FAF1: variants seen among roughly 807,000 people sequenced by gnomAD.
FAF1 encodes the protein FAS-associated factor 1.
Under a neutral mutation model 92.5 loss-of-function variants are expected in FAF1, and 25 were observed. The observed-to-expected ratio is 0.27, with a 90% confidence interval of 0.20 to 0.38. The LOEUF (loss-of-function observed/expected upper bound fraction) is 0.38, where lower values mean the gene tolerates loss of function less well. Among genes scored for constraint, FAF1 ranks in the 10% least tolerant of loss-of-function variants. The pLI is 1.00. For synonymous variants in FAF1, 234 were observed against 273.2 expected (o/e 0.86, Z 1.42); for missense variants, 636 against 793.3 (o/e 0.80, Z 2.38).
intron 12 of FAF1, among the ~76,000 whole-genome samples, chr1:50,573,497 G>T (rs968804360): frequency 7.2e-5 from 11 of 152,180 alleles, no homozygotes; most frequent in African/African-American, 2.7e-4. Context: ...AATGTCAATG[G>T]CCCCATATGT....
chr1:50,864,183 T>A (rs1430862671), intron 1 of FAF1, among the ~76,000 whole-genome samples: 39 of 142,582 alleles, frequency 2.7e-4, no homozygotes, highest in South Asian at 9.1e-4. Flanking sequence ...TTTTGAAGGG[T>A]TTTTTGTGTC....
intron 1 of FAF1, among the ~76,000 whole-genome samples, chr1:50,887,878 T>C (rs1644682227): frequency 1.3e-5 from 2 of 152,224 alleles, no homozygotes; most frequent in Non-Finnish European, 2.9e-5. Flanking sequence ...TTTGGTTCCA[T>C]ATGAACTTTA....
Position 50,676,495 on chromosome 1 carries a change from C to T in FAF1, c.658-20967G>A, listed in dbSNP as rs147310948. Among the ~76,000 whole-genome samples, 4 of 151,508 alleles carry T rather than the reference C, an allele frequency of 2.6e-5. No individual in the cohort carries two copies. The East Asian group carries it at 7.8e-4, about 30-fold the overall frequency. On this transcript the variant is annotated intron_variant, in intron 7 of 18. Coordinates refer to ENST00000396153, the MANE Select transcript of FAF1 (RefSeq NM_007051.3). The stretch of plus-strand genomic sequence containing the variant: ...AAAAGAAAAATGTAAATATTATTTT[C>T]AATGTAACAATCACCCTGGAATATA...
rs114637295 is a variant in FAF1, at chr1:50,499,098, T to C, written c.1495-7297A>G. Among the ~76,000 whole-genome samples the C allele has an allele frequency of 9.8e-3, 1,493 of 152,264 alleles. 24 individuals carry two copies. The highest frequency in any genetic ancestry group is 0.034 in the African/African-American group (1,419 of 41,536). On this transcript the variant is annotated intron_variant, in intron 15 of 18. Transcript: ENST00000396153. ...ATAACATAGATGGACCTTAAGGACA[T>C]TGTGCTTCAAATGTGAAAGGATCAA... is the stretch of plus-strand genomic sequence containing the variant.
intron 7 of FAF1, among the ~76,000 whole-genome samples, chr1:50,693,594 A>T (rs572200630): frequency 1.3e-5 from 2 of 152,284 alleles, no homozygotes; most frequent in South Asian, 4.1e-4. Flanking sequence ...TATGCATATA[A>T]GGTAAAAGTC....
intron 1 of FAF1, among the ~76,000 whole-genome samples, chr1:50,911,080 AT>A (rs1240890805): frequency 6.6e-6 from 1 of 151,242 alleles, no homozygotes; most frequent in Non-Finnish European, 1.5e-5. Context: ...TTATTTACTT[AT>A]TTATTTTTGG....
intron 4 of FAF1, among the ~76,000 whole-genome samples, chr1:50,762,131 A>G (rs1227684875): frequency 6.6e-6 from 1 of 152,126 alleles, no homozygotes; most frequent in Non-Finnish European, 1.5e-5. Context: ...CCAACTTACA[A>G]GGGACGTGAA....
chr1:50,605,306 C>T (rs1026921674), intron 8 of FAF1, among the ~76,000 whole-genome samples: 3 of 152,084 alleles, frequency 2.0e-5, no homozygotes, highest in Non-Finnish European at 4.4e-5. Flanking sequence ...TTAGTGAGTA[C>T]ACTAGAAGAG....
rs13375909 is a variant in FAF1, at chr1:50,583,341, C to G, written c.1031+311G>C. ...TTATTTTAAAGGATTTTCCATTTGA[C>G]TGTCCTAAGATATACTAAAAATTAC... On this transcript the variant is annotated intron_variant, in intron 11 of 18. Transcript: ENST00000396153. The surrounding 1 kb of genome is among the most constrained non-coding windows in gnomAD (Gnocchi z 4.2). Among the ~76,000 whole-genome samples, 339 of 152,004 alleles carry G rather than the reference C, an allele frequency of 2.2e-3. 3 individuals carry two copies. Among genetic ancestry groups the G allele is most frequent in the African/African-American group, 7.7e-3 (321 of 41,536 alleles).
chr1:50,766,791 C>CAAAAAAAA (rs765570305), intron 4 of FAF1, among the ~76,000 whole-genome samples: 2 of 61,910 alleles, frequency 3.2e-5, no homozygotes, highest in Non-Finnish European at 6.0e-5. Context: ...AGCAAGCAAG[C>CAAAAAAAA]AAAAAAAAAA....
intron 2 of FAF1, among the ~76,000 whole-genome samples, chr1:50,847,971 G>A (rs189053933): frequency 6.6e-6 from 1 of 151,960 alleles, no homozygotes; most frequent in Admixed American, 6.6e-5. Context: ...AAAAAAGGCT[G>A]TCAACACAGA....
chr1:50,450,827 T>C (rs116014038), intron 18 of FAF1, among the ~76,000 whole-genome samples: 282 of 152,332 alleles, frequency 1.9e-3, no homozygotes, highest in Middle Eastern at 3.4e-3. Context: ...ATAATTATTA[T>C]AAACAACTAT....
chr1:50,442,699 C>T (rs1646183999), intron 18 of FAF1, among the ~76,000 whole-genome samples: 1 of 151,810 alleles, frequency 6.6e-6, no homozygotes, highest in South Asian at 2.1e-4. Context: ...GTTCTGGTGT[C>T]TTCTTCCATG....
At chr1:50,751,387 T>C (rs1659862012) in intron 4 of FAF1, among the ~76,000 whole-genome samples, 1 of 152,148 alleles carries the variant, frequency 6.6e-6, no homozygotes, top group South Asian at 2.1e-4. Context: ...CATGCTGGAG[T>C]GCAGCAGCAT....
chr1:50,828,783 C>CA (rs1253977155), intron 2 of FAF1, among the ~76,000 whole-genome samples: 1 of 152,030 alleles, frequency 6.6e-6, no homozygotes, highest in African/African-American at 2.4e-5. Flanking sequence ...TCCAAAAGAA[C>CA]AAAATCAATA....
chr1:50,657,668 T>C (rs890745260), intron 7 of FAF1, among the ~76,000 whole-genome samples: 1 of 152,244 alleles, frequency 6.6e-6, no homozygotes, highest in African/African-American at 2.4e-5. Flanking sequence ...TGTCCAATTA[T>C]AGCATTTTGT....
chr1:50,589,581 C>T (rs1357088844), intron 9 of FAF1, among the ~76,000 whole-genome samples: 1 of 152,166 alleles, frequency 6.6e-6, no homozygotes, highest in African/African-American at 2.4e-5. Context: ...ACATTGATCC[C>T]ATATCAGATG....
At chr1:50,705,496 G>T (rs1249411375) in intron 7 of FAF1, among the ~76,000 whole-genome samples, 2 of 152,140 alleles carry the variant, frequency 1.3e-5, no homozygotes, top group Non-Finnish European at 2.9e-5. Flanking sequence ...ATAGTATTTT[G>T]AATAATGACT....
intron 4 of FAF1, chr1:50,780,987 C>A: frequency 2.1e-6 from 1 of 482,958 alleles, no homozygotes; most frequent in South Asian, 1.5e-5. Flanking sequence ...AGGGTGACTC[C>A]AAGGCAGCTT....
Sources: gnomAD v4.1 joint callset for allele counts (sites outside exome capture counted in the v4.1 genomes callset) on GRCh38, gnomAD v4.1.1 for gene constraint, Gnocchi (gnomAD v3.1) non-coding constraint, MANE v1.5 for transcripts, NCBI Gene and HGNC (gene_info 2026-07-23, HGNC 2026-07-21) for gene names.